Variants in RBFOX1 observed in about 807,000 individuals in gnomAD.
RBFOX1 encodes the protein RNA binding fox-1 homolog 1, also known as RNA binding protein fox-1 homolog 1.
In RBFOX1, 8 loss-of-function variants were observed where a neutral mutation model predicts 57.7. The observed-to-expected ratio is 0.14, with a 90% CI of 0.08 to 0.25. RBFOX1 has a LOEUF of 0.25. Among genes scored for constraint, RBFOX1 ranks in the 10% least tolerant of loss-of-function variants. The probability of loss-of-function intolerance (pLI) is 1.00; values close to 1 mark genes in which losing one functional copy is unlikely to be tolerated. For missense variants in RBFOX1, 611 were observed against 548.5 expected, an observed-to-expected ratio of 1.11 and a Z score of -1.14; for synonymous variants, 326 against 222.4, an observed-to-expected ratio of 1.47 and a Z score of -4.15.
intron 2 of RBFOX1, among the ~76,000 whole-genome samples, chr16:5,495,323 T>C (rs1390430502): frequency 6.6e-6 from 1 of 152,200 alleles, no homozygotes; most frequent in Non-Finnish European, 1.5e-5. Context: ...GAATCTTGCC[T>C]CTTGAATCTG....
chr16:6,680,251 CTT>C (rs2058429114), intron 3 of RBFOX1, among the ~76,000 whole-genome samples: 1 of 142,734 alleles, frequency 7.0e-6, no homozygotes, highest in African/African-American at 2.6e-5. Flanking sequence ...TGATTCCTGT[CTT>C]TGCTTTGCTT....
intron 4 of RBFOX1, among the ~76,000 whole-genome samples, chr16:7,157,620 T>C (rs995108541): frequency 3.3e-5 from 5 of 152,018 alleles, no homozygotes; most frequent in African/African-American, 9.7e-5. Context: ...TCAAATATCA[T>C]TGGTTATTTG....
At chr16:6,584,617 C>T (rs1246925706) in intron 2 of RBFOX1, among the ~76,000 whole-genome samples, 1 of 152,036 alleles carries the variant, frequency 6.6e-6, no homozygotes, top group African/African-American at 2.4e-5. Context: ...GATCCACCTG[C>T]CTTGGCCTCC....
In RBFOX1 at chr16:6,013,695, A is replaced by G. The variant is rs370425747; in HGVS notation, c.351+146360A>G. On this transcript the variant is annotated intron_variant, in intron 4 of 19. Transcript: ENST00000641259. ...TGGTTTGCTCATCTATTTAAAAAGG[A>G]AATAATTTTTTATGGCTGCATAGTA... Among the ~76,000 whole-genome samples the G allele has an allele frequency of 3.0e-4, 46 of 152,250 alleles. No individual in the cohort carries two copies. In the East Asian group the frequency reaches 4.1e-3, roughly 13 times the overall value.
intron 14 of RBFOX1, among the ~76,000 whole-genome samples, chr16:7,693,527 G>T (rs1409445236): frequency 6.6e-6 from 1 of 150,944 alleles, no homozygotes. Context: ...GAAGCCTTGA[G>T]GCTCTGCCAT....
intron 4 of RBFOX1, among the ~76,000 whole-genome samples, chr16:7,248,408 C>T (rs1038135081): frequency 6.6e-6 from 1 of 152,174 alleles, no homozygotes; most frequent in African/African-American, 2.4e-5. Flanking sequence ...GCAGAATCTT[C>T]TAGCTGAGTC....
chr16:6,224,481 C>T (rs952005047), intron 1 of RBFOX1, among the ~76,000 whole-genome samples: 1 of 152,020 alleles, frequency 6.6e-6, no homozygotes, highest in African/African-American at 2.4e-5. Context: ...TGTTGCTGGT[C>T]TATGGACCAC....
intron 4 of RBFOX1, among the ~76,000 whole-genome samples, chr16:7,273,499 G>C (rs2095380361): frequency 6.6e-6 from 1 of 152,030 alleles, no homozygotes. Context: ...GACTTAAGTG[G>C]AAATCCCAGC....
chr16:6,156,834 G>T (rs1377447065), intron 1 of RBFOX1, among the ~76,000 whole-genome samples: 1 of 152,098 alleles, frequency 6.6e-6, no homozygotes. Flanking sequence ...TTATTTAAAT[G>T]TATTTTATTT....
At chr16:6,920,465 C>T (rs781048594) in intron 3 of RBFOX1, among the ~76,000 whole-genome samples, 1 of 152,116 alleles carries the variant, frequency 6.6e-6, no homozygotes, top group African/African-American at 2.4e-5. Context: ...TTAGATGTGT[C>T]CTAGACATTA....
At chr16:6,289,475 G>GAAATAAATAA (rs2077238282) in intron 1 of RBFOX1, among the ~76,000 whole-genome samples, 1 of 152,090 alleles carries the variant, frequency 6.6e-6, no homozygotes, top group African/African-American at 2.4e-5. Context: ...TTTAATCACA[G>GAAATAAATAA]AAATAAAAGG....
intron 3 of RBFOX1, among the ~76,000 whole-genome samples, chr16:5,715,074 T>C (rs2151517259): frequency 6.6e-6 from 1 of 152,362 alleles, no homozygotes; most frequent in South Asian, 2.1e-4. Flanking sequence ...AGTCTTTTGT[T>C]GACGCAGCCG....
intron 3 of RBFOX1, among the ~76,000 whole-genome samples, chr16:6,794,280 A>ACTT (rs1447460834): frequency 8.0e-6 from 1 of 125,206 alleles, no homozygotes; most frequent in Non-Finnish European, 1.6e-5. Context: ...CTTGTTCGTG[A>ACTT]TTTTTTTTTT....
chr16:6,505,397 C>T (rs776690992), intron 2 of RBFOX1, among the ~76,000 whole-genome samples: 5 of 152,138 alleles, frequency 3.3e-5, no homozygotes, highest in Admixed American at 6.5e-5. Context: ...AACTTTTCAA[C>T]AGGAGAATAT....
At chr16:6,230,802 C>G (rs1045496317) in intron 1 of RBFOX1, among the ~76,000 whole-genome samples, 1 of 152,148 alleles carries the variant, frequency 6.6e-6, no homozygotes, top group African/African-American at 2.4e-5. Context: ...TATGGATACG[C>G]ATAGTACAAA....
chr16:7,557,512 C>G (rs944557849), intron 5 of RBFOX1, among the ~76,000 whole-genome samples: 12 of 148,660 alleles, frequency 8.1e-5, no homozygotes, highest in East Asian at 2.0e-4. Context: ...CCCACCTACT[C>G]GAGAGGCTGA....
At chr16:6,583,677 C>T (rs572712896) in intron 2 of RBFOX1, among the ~76,000 whole-genome samples, 5 of 152,288 alleles carry the variant, frequency 3.3e-5, no homozygotes, top group African/African-American at 1.2e-4. Context: ...AATCACAGTG[C>T]AATTTCTTGT....
At chr16:7,293,447 C>A (rs1335197469) in intron 4 of RBFOX1, among the ~76,000 whole-genome samples, 2 of 152,188 alleles carry the variant, frequency 1.3e-5, no homozygotes, top group African/African-American at 4.8e-5. Flanking sequence ...AGAATCACAT[C>A]TTCCATTCTC....
chr16:6,155,471 C>G (rs1321633592), intron 1 of RBFOX1, among the ~76,000 whole-genome samples: 3 of 152,164 alleles, frequency 2.0e-5, no homozygotes, highest in South Asian at 2.1e-4. Context: ...TAGATTTTCC[C>G]CCCGTTCATG....
Sources: allele counts gnomAD v4.1 joint callset (sites outside exome capture counted in the v4.1 genomes callset), GRCh38; gene constraint gnomAD v4.1.1; transcripts MANE v1.5; gene names NCBI Gene and HGNC (gene_info 2026-07-23, HGNC 2026-07-21).